Variants in CDH18 observed in about 807,000 individuals in gnomAD.
CDH18 encodes the protein cadherin-18.
A neutral mutation model predicts 67.9 loss-of-function variants in CDH18; 31 were observed. The observed-to-expected ratio is 0.46, with a 90% CI of 0.34 to 0.62. The LOEUF is 0.62. CDH18 is among the 20% of genes least tolerant of loss of function. The probability of loss-of-function intolerance (pLI) is 0.01; values close to 1 mark genes in which losing one functional copy is unlikely to be tolerated. For missense variants in CDH18, 890 were observed against 975.5 expected (o/e 0.91, Z 1.17); for synonymous variants, 362 against 347.2 (o/e 1.04, Z -0.48).
chr5:20,425,203 T>C (rs1301303510), intron 1 of CDH18, among the ~76,000 whole-genome samples: 1 of 150,594 alleles, frequency 6.6e-6, no homozygotes, highest in Admixed American at 6.6e-5. Flanking sequence ...GTGTCTCTAC[T>C]AAAGATACAA....
At chr5:19,905,912 C>A (rs1193238511) in intron 2 of CDH18, among the ~76,000 whole-genome samples, 1 of 152,044 alleles carries the variant, frequency 6.6e-6, no homozygotes, top group Non-Finnish European at 1.5e-5. Context: ...TTGAGAACAA[C>A]TCTAGATGCG....
chr5:19,773,527 T>C (rs1773961664), intron 3 of CDH18, among the ~76,000 whole-genome samples: 1 of 152,018 alleles, frequency 6.6e-6, no homozygotes, highest in African/African-American at 2.4e-5. Context: ...AGAAAATAAA[T>C]AGGCATTTTA....
chr5:20,343,233 A>AC (rs1277695753), intron 1 of CDH18, among the ~76,000 whole-genome samples: 2 of 152,222 alleles, frequency 1.3e-5, no homozygotes, highest in East Asian at 3.9e-4. Context: ...GCATTGGCTA[A>AC]CTAATCACAA....
At chr5:20,386,897 A>G (rs955410950) in intron 1 of CDH18, among the ~76,000 whole-genome samples, 11 of 151,818 alleles carry the variant, frequency 7.2e-5, no homozygotes, top group African/African-American at 2.7e-4. Context: ...TCTCTCCTCT[A>G]TGTGTGTGGG....
At chr5:20,172,778 G>C (rs4331902) in intron 2 of CDH18, among the ~76,000 whole-genome samples, 76,413 of 151,680 alleles carry the variant, frequency 0.5, 19,754 homozygotes, top group Middle Eastern at 0.64. Context: ...ATCACCTGAA[G>C]TCGGGAGTTC....
chr5:20,393,438 CG>C (rs1304183006), intron 1 of CDH18, among the ~76,000 whole-genome samples: 3 of 151,894 alleles, frequency 2.0e-5, no homozygotes, highest in Admixed American at 1.3e-4. Context: ...CTGGTATAGA[CG>C]AACATTTGTG....
intron 1 of CDH18, among the ~76,000 whole-genome samples, chr5:20,487,042 G>A (rs78395274): frequency 0.018 from 2,673 of 152,182 alleles, 72 homozygotes; most frequent in African/African-American, 0.06. Context: ...CCCTGACTGC[G>A]TTACAGTTGT....
chr5:20,572,410 G>A (rs949141559), intron 1 of CDH18, among the ~76,000 whole-genome samples: 19 of 149,100 alleles, frequency 1.3e-4, no homozygotes, highest in Middle Eastern at 3.5e-3. Flanking sequence ...GATGCTGTTT[G>A]CATAATATAT....
rs150143094 is a variant in CDH18 at position 20,199,835 on chromosome 5, G to T, written c.-518+55609C>A. Among the ~76,000 whole-genome samples, 227 of 152,240 alleles carry T rather than the reference G, an allele frequency of 1.5e-3. 2 individuals are homozygous for T. Among genetic ancestry groups the T allele is most frequent in the African/African-American group, 4.0e-3 (165 of 41,548 alleles). On this transcript the variant is annotated intron_variant, in intron 2 of 14. Transcript: ENST00000507958. ...TGTGAAAGTGAGTGAATTTTCACGA[G>T]ATCTGACGGTTTAATAAGTGTCTGG... is the stretch of plus-strand genomic sequence containing the variant.
At chr5:20,164,241 T>A (rs1348779295) in intron 2 of CDH18, among the ~76,000 whole-genome samples, 1 of 152,124 alleles carries the variant, frequency 6.6e-6, no homozygotes, top group Non-Finnish European at 1.5e-5. Flanking sequence ...AAGGAGCTAG[T>A]TTCTTAAATA....
intron 6 of CDH18, among the ~76,000 whole-genome samples, chr5:19,603,127 C>T (rs1394052456): frequency 6.6e-6 from 1 of 152,064 alleles, no homozygotes; most frequent in Non-Finnish European, 1.5e-5. Context: ...CATGCAGCAA[C>T]AGAGGAACTG....
chr5:20,288,000 T>G (rs1338180906), intron 1 of CDH18, among the ~76,000 whole-genome samples: 1 of 151,828 alleles, frequency 6.6e-6, no homozygotes, highest in East Asian at 1.9e-4. Flanking sequence ...GAAAGCATTT[T>G]ACAAGGTCAG....
intron 1 of CDH18, among the ~76,000 whole-genome samples, chr5:20,400,469 C>T (rs993318141): frequency 6.7e-6 from 1 of 149,788 alleles, no homozygotes; most frequent in African/African-American, 2.5e-5. Context: ...CAGAGCAAGG[C>T]TTCATCTCAA....
At chr5:20,482,129 C>G (rs1228417351) in intron 1 of CDH18, among the ~76,000 whole-genome samples, 2 of 151,614 alleles carry the variant, frequency 1.3e-5, no homozygotes, top group Non-Finnish European at 2.9e-5. Context: ...TGCAGAAATT[C>G]AAAAGATCAT....
chr5:19,787,309 G>A (rs148423235), intron 3 of CDH18, among the ~76,000 whole-genome samples: 8,376 of 151,926 alleles, frequency 0.055, 537 homozygotes, highest in African/African-American at 0.16. Context: ...AAAATTAGCC[G>A]GGCGTGGTGG....
intron 2 of CDH18, among the ~76,000 whole-genome samples, chr5:20,028,876 G>A (rs1739145025): frequency 6.6e-6 from 1 of 152,142 alleles, no homozygotes. Context: ...TTGTAGGTAA[G>A]GGGGCACTAC....
At chr5:19,943,095 C>T (rs1407083637) in intron 2 of CDH18, among the ~76,000 whole-genome samples, 1 of 152,054 alleles carries the variant, frequency 6.6e-6, no homozygotes, top group Non-Finnish European at 1.5e-5. Flanking sequence ...TATAATAATT[C>T]CCAAAGTGTG....
chr5:20,341,290 A>G (rs1022930407), intron 1 of CDH18, among the ~76,000 whole-genome samples: 1 of 152,082 alleles, frequency 6.6e-6, no homozygotes, highest in Non-Finnish European at 1.5e-5. Flanking sequence ...ACCAGCGAAT[A>G]TAAAGCAGGT....
At chr5:20,010,435 C>T (rs1737323726) in intron 2 of CDH18, among the ~76,000 whole-genome samples, 1 of 151,988 alleles carries the variant, frequency 6.6e-6, no homozygotes, top group Non-Finnish European at 1.5e-5. Context: ...TCTTGAACTC[C>T]TGGCTTCAAG....
Sources: allele counts gnomAD v4.1 joint callset (sites outside exome capture counted in the v4.1 genomes callset), GRCh38; gene constraint gnomAD v4.1.1; transcripts MANE v1.5; gene names NCBI Gene and HGNC (gene_info 2026-07-23, HGNC 2026-07-21).